Variants in CLIC5 observed in about 807,000 individuals in gnomAD.
CLIC5 encodes chloride intracellular channel protein 5.
A neutral mutation model predicts 24.7 loss-of-function variants in CLIC5; 20 were observed. The ratio of observed to expected loss-of-function variants is 0.81; its 90% CI spans 0.57 to 1.18. The LOEUF is 1.18. Among genes scored for constraint, CLIC5 ranks in the 50% most tolerant of loss-of-function variants. The pLI, the probability that CLIC5 is intolerant of heterozygous loss-of-function variation, is 0.00. For missense variants in CLIC5, 341 were observed against 326.1 expected, an observed-to-expected ratio of 1.05 and a Z score of -0.35; for synonymous variants, 159 against 135.6, an observed-to-expected ratio of 1.17 and a Z score of -1.20.
Position 45,928,795 on chromosome 6 carries a change from T to G in CLIC5, c.406+12752A>C, listed in dbSNP as rs3082899. ...GTGTGTGTGTGTGTGTGTGTGTGTG[T>G]AGAGAGAGAGAGATTGAGAAACGTA... On this transcript the variant is annotated intron_variant, in intron 4 of 5. Coordinates refer to ENST00000339561, the MANE Select transcript of CLIC5 (RefSeq NM_016929.5). 1.1e-3 allele frequency among the ~76,000 whole-genome samples: 169 copies of G among 148,472 alleles called. 1 individual carries two copies. Among genetic ancestry groups the G allele is most frequent in the African/African-American group, 4.1e-3 (163 of 39,806 alleles).
At chr6:46,035,752 CT>C (rs367600407) in intron 1 of CLIC5, among the ~76,000 whole-genome samples, 20,550 of 147,656 alleles carry the variant, frequency 0.14, 1,483 homozygotes, top group African/African-American at 0.17. Flanking sequence ...CTTTTATTTT[CT>C]TTTTTTTTTT....
chr6:45,968,977 T>A (rs1231300198), intron 1 of CLIC5, among the ~76,000 whole-genome samples: 1 of 152,208 alleles, frequency 6.6e-6, no homozygotes, highest in South Asian at 2.1e-4. Context: ...GTCTTAATCT[T>A]GTTATTTTTA....
chr6:46,025,731 T>G (rs780385831), intron 1 of CLIC5, among the ~76,000 whole-genome samples: 1 of 152,200 alleles, frequency 6.6e-6, no homozygotes, highest in Non-Finnish European at 1.5e-5. Context: ...CCAAATCTCA[T>G]GTCGAATTGT....
At position 45,919,152 on chromosome 6, in the gene CLIC5, C is replaced by G. The variant is rs1406903604; in HGVS notation, c.407-4743G>C. ...TCTGATGTAATCATCTAAATAGTCCCCCTAGAGAATTCTGTCTCTTTGCAT... is the reference window on the plus strand; with the variant it reads ...TCTGATGTAATCATCTAAATAGTCCGCCTAGAGAATTCTGTCTCTTTGCAT... On this transcript the variant is annotated intron_variant, in intron 4 of 5. Coordinates refer to ENST00000339561, the MANE Select transcript of CLIC5 (RefSeq NM_016929.5). The G allele has an allele frequency of 3.1e-6, 3 of 963,322 alleles. No individual in the cohort carries two copies. The African/African-American group carries it at 5.3e-5, about 17-fold the overall frequency. 59.7% of individuals were successfully genotyped at this position (963,322 alleles called of 1,614,324 possible).
chr6:46,112,037 T>TAAATTAACCA, the CLIC5 span, among the ~76,000 whole-genome samples: 1 of 152,144 alleles, frequency 6.6e-6, no homozygotes, highest in African/African-American at 2.4e-5. Context: ...GTCTCAAGTA[T>TAAATTAACCA]GTCTTTATCA....
At position 46,027,014 on chromosome 6, in the gene CLIC5, A is replaced by G. The variant is rs1206782578; in HGVS notation, c.540+52689T>C. Reference sequence around the variant, plus strand: ...ATAATTATCATTTTCACATGAATTTATCTACTGACCACCTATTTATATCTT... The same window carrying G: ...ATAATTATCATTTTCACATGAATTTGTCTACTGACCACCTATTTATATCTT... On this transcript the variant is annotated intron_variant, in intron 1 of 5. Coordinates refer to the CLIC5 transcript ENST00000185206. Among the ~76,000 whole-genome samples, 3 of 152,176 alleles carry G rather than the reference A, an allele frequency of 2.0e-5. No homozygotes were observed. The East Asian group carries it at 5.8e-4, about 29-fold the overall frequency.
chr6:45,979,033 A>T (rs1765480702), intron 1 of CLIC5, among the ~76,000 whole-genome samples: 1 of 152,074 alleles, frequency 6.6e-6, no homozygotes, highest in African/African-American at 2.4e-5. Flanking sequence ...TTGAAAAAAA[A>T]TGCACAACAG....
At chr6:45,914,466 A>G in intron 4 of CLIC5, 57 bp from the exon 5 acceptor site, 1 of 1,471,912 alleles carries the variant, frequency 6.8e-7, no homozygotes, top group East Asian at 2.3e-5. Flanking sequence ...GGATACAGTC[A>G]TAGGGTCTTC....
At chr6:45,903,369 C>T (rs530370366) in intron 5 of CLIC5, 114 bp from the exon 6 acceptor site, 158 of 806,598 alleles carry the variant, frequency 2.0e-4, no homozygotes, top group Non-Finnish European at 2.7e-4. Flanking sequence ...TGCATCACCA[C>T]GGGCCATCAG....
intron 1 of CLIC5, among the ~76,000 whole-genome samples, chr6:46,009,840 G>T (rs943058405): frequency 6.6e-6 from 1 of 152,156 alleles, no homozygotes; most frequent in African/African-American, 2.4e-5. Context: ...TTGGATGAGG[G>T]AGCAACTGAC....
chr6:46,109,068 A>G, the CLIC5 span, among the ~76,000 whole-genome samples: 5 of 152,204 alleles, frequency 3.3e-5, no homozygotes, highest in Non-Finnish European at 7.3e-5. Flanking sequence ...AGGATATGTC[A>G]TCAGTAATAA....
At chr6:46,024,913 T>A (rs916680787) in intron 1 of CLIC5, among the ~76,000 whole-genome samples, 3 of 152,108 alleles carry the variant, frequency 2.0e-5, no homozygotes, top group Admixed American at 2.0e-4. Flanking sequence ...TAAGCTAAGA[T>A]ACAAAAGTAA....
the CLIC5 span, among the ~76,000 whole-genome samples, chr6:46,114,120 A>C: frequency 4.6e-5 from 7 of 152,168 alleles, no homozygotes; most frequent in African/African-American, 1.7e-4. Context: ...TGAAAGAGTG[A>C]GTAGGCCAGC....
chr6:46,123,970 A>G, the CLIC5 span, among the ~76,000 whole-genome samples: 8 of 152,310 alleles, frequency 5.3e-5, no homozygotes, highest in East Asian at 1.2e-3. Context: ...ATGCTCATGG[A>G]TAGGAAGAAT....
At chr6:46,050,276 C>T (rs1768067648) in intron 1 of CLIC5, among the ~76,000 whole-genome samples, 1 of 152,186 alleles carries the variant, frequency 6.6e-6, no homozygotes, top group Admixed American at 6.5e-5. Flanking sequence ...GTAGTACACC[C>T]AGTCTCTGAC....
At chr6:45,985,324 T>C (rs1765697452) in intron 1 of CLIC5, among the ~76,000 whole-genome samples, 1 of 152,170 alleles carries the variant, frequency 6.6e-6, no homozygotes, top group African/African-American at 2.4e-5. Context: ...TTTAATCTCA[T>C]ATACTCTAAT....
chr6:46,064,103 A>C (rs1447091240), intron 1 of CLIC5, among the ~76,000 whole-genome samples: 1 of 152,222 alleles, frequency 6.6e-6, no homozygotes, highest in African/African-American at 2.4e-5. Flanking sequence ...ATATAAGGAC[A>C]TTAAAACTGC....
At chr6:46,026,783 C>T (rs1447499312) in intron 1 of CLIC5, among the ~76,000 whole-genome samples, 1 of 152,102 alleles carries the variant, frequency 6.6e-6, no homozygotes, top group African/African-American at 2.4e-5. Context: ...GGGGTGCTCC[C>T]ACCCCTCACC....
chr6:46,060,334 A>G (rs1319646708), intron 1 of CLIC5, among the ~76,000 whole-genome samples: 3 of 152,160 alleles, frequency 2.0e-5, no homozygotes, highest in East Asian at 1.9e-4. Flanking sequence ...CAAACTGACA[A>G]TTATGGAAAT....
Sources: allele counts gnomAD v4.1 joint callset (sites outside exome capture counted in the v4.1 genomes callset), GRCh38; gene constraint gnomAD v4.1.1; transcripts MANE v1.5; gene names NCBI Gene and HGNC (gene_info 2026-07-23, HGNC 2026-07-21).